TANGO6: variants seen among roughly 807,000 people sequenced by gnomAD.
TANGO6 encodes transport and golgi organization 6 homolog.
TANGO6 carries 90 observed loss-of-function variants against 114.2 expected under a neutral mutation model. The ratio of observed to expected loss-of-function variants is 0.79; its 90% CI spans 0.66 to 0.94. The LOEUF is 0.94. Among genes scored for constraint, TANGO6 ranks in the 40% least tolerant of loss-of-function variants. The probability of loss-of-function intolerance (pLI) is 0.00; values close to 1 mark genes in which losing one functional copy is unlikely to be tolerated. For missense variants in TANGO6, 1,274 were observed against 1,315.3 expected (o/e 0.97, Z 0.49); for synonymous variants, 477 against 509.8 (o/e 0.94, Z 0.87).
chr16:68,851,757 G>T (rs952464621), intron 1 of TANGO6, among the ~76,000 whole-genome samples: 6 of 152,114 alleles, frequency 3.9e-5, no homozygotes, highest in Admixed American at 6.5e-5. Flanking sequence ...CTGTCCTTGG[G>T]GATGTACCAT....
intron 17 of TANGO6, among the ~76,000 whole-genome samples, chr16:69,067,952 A>T (rs547094690): frequency 6.7e-6 from 1 of 150,002 alleles, no homozygotes; most frequent in Non-Finnish European, 1.5e-5. Flanking sequence ...AAAAAAAAAA[A>T]AAAAGAAAAT....
At chr16:69,002,999 G>A (rs1440306453) in intron 15 of TANGO6, among the ~76,000 whole-genome samples, 1 of 151,702 alleles carries the variant, frequency 6.6e-6, no homozygotes, top group Non-Finnish European at 1.5e-5. Flanking sequence ...CTGAGATGGT[G>A]CCACTACACT....
In TANGO6 at chr16:69,077,011, C is replaced by T. The variant is rs561380375; in HGVS notation, c.3109-6474C>T. On this transcript the variant is annotated intron_variant, in intron 17 of 17. Coordinates refer to ENST00000261778, the MANE Select transcript of TANGO6 (RefSeq NM_024562.2). ...GACTCTGTCTCAAAACAAAACAAAA[C>T]ACACACACAAGTTGAAAAATAAGAT... is the stretch of plus-strand genomic sequence containing the variant. Among the ~76,000 whole-genome samples, 3 of 151,964 alleles carry T rather than the reference C, an allele frequency of 2.0e-5. No individual in the cohort carries two copies. In the South Asian group the frequency reaches 6.2e-4, roughly 32 times the overall value.
intron 16 of TANGO6, chr16:69,025,863 C>A: frequency 4.3e-6 from 1 of 231,776 alleles, no homozygotes; most frequent in South Asian, 7.6e-5. Flanking sequence ...AATTTTAATT[C>A]TTTCTAGTGG....
chr16:69,016,797 C>A (rs1959308206), intron 15 of TANGO6, among the ~76,000 whole-genome samples: 1 of 151,938 alleles, frequency 6.6e-6, no homozygotes, highest in Admixed American at 6.6e-5. Context: ...GTAGCTGGGA[C>A]CACAGGCAGG....
rs1314622911 is a variant in TANGO6, at chr16:69,039,526, C to A, written c.2995-782C>A. ...TGGCGCACACCTGTAGTCCTAGCTA[C>A]TTGGGAGGCTGAGGTGGGAGGGTCA... is the stretch of plus-strand genomic sequence containing the variant. On this transcript the variant is annotated intron_variant, in intron 16 of 17. Coordinates refer to ENST00000261778, the MANE Select transcript of TANGO6 (RefSeq NM_024562.2). Among the ~76,000 whole-genome samples, 5 of 151,452 alleles carry A rather than the reference C, an allele frequency of 3.3e-5. 1 individual carries two copies. In the Middle Eastern group the frequency reaches 0.01, roughly 316 times the overall value.
chr16:69,066,890 A>G (rs992690503), intron 17 of TANGO6, among the ~76,000 whole-genome samples: 1 of 152,032 alleles, frequency 6.6e-6, no homozygotes, highest in African/African-American at 2.4e-5. Flanking sequence ...CCGTCTCTAC[A>G]AAAAATTTGT....
chr16:69,063,805 CTTCTTA>C (rs1460313284), intron 17 of TANGO6, among the ~76,000 whole-genome samples: 81 of 118,524 alleles, frequency 6.8e-4, no homozygotes, highest in South Asian at 1.7e-3. Context: ...TCTTCTTCTT[CTTCTTA>C]TTATTATTAT....
Position 68,919,153 on chromosome 16 carries a change from C to T in TANGO6, c.2061C>T (p.Thr687=), listed in dbSNP as rs375170838. ...GCCTGGCCCATCAGGCAGAGAGCAC[C>T]GTGGAATCACAGACGCTGAGCATGT... is the stretch of plus-strand genomic sequence containing the variant. ...CASLAHQAES[T]VESQTLSMSM... The change falls in exon 12 of 18, where the codon ACC becomes ACT. Residue 687 remains threonine (T), a synonymous_variant. Transcript: ENST00000261778. 1.2e-4 allele frequency: 192 copies of T among 1,612,642 alleles called. No homozygotes were observed. Among genetic ancestry groups the T allele is most frequent in the Middle Eastern group, 3.3e-4 (2 of 6,062 alleles).
chr16:69,004,382 G>C (rs985817218), intron 15 of TANGO6, among the ~76,000 whole-genome samples: 37 of 150,802 alleles, frequency 2.5e-4, no homozygotes, highest in African/African-American at 9.0e-4. Context: ...TTGAGATGGA[G>C]TCTCACTCTG....
At chr16:68,858,276 C>G (rs931241537) in intron 1 of TANGO6, among the ~76,000 whole-genome samples, 1 of 152,170 alleles carries the variant, frequency 6.6e-6, no homozygotes, top group South Asian at 2.1e-4. Context: ...GTTGGCCAGG[C>G]TGGTCTCCAA....
At chr16:68,980,775 G>T (rs1963828019) in intron 15 of TANGO6, among the ~76,000 whole-genome samples, 1 of 152,086 alleles carries the variant, frequency 6.6e-6, no homozygotes, top group African/African-American at 2.4e-5. Context: ...GAGGTGGGCG[G>T]ATCACAAGAT....
intron 14 of TANGO6, among the ~76,000 whole-genome samples, chr16:68,970,315 A>G (rs2152211867): frequency 6.6e-6 from 1 of 152,338 alleles, no homozygotes; most frequent in Middle Eastern, 3.4e-3. Context: ...CCAGGATAGT[A>G]TGTTCACAGA....
chr16:69,080,005 G>GT (rs1204662928), intron 17 of TANGO6, among the ~76,000 whole-genome samples: 3 of 152,198 alleles, frequency 2.0e-5, no homozygotes, highest in Non-Finnish European at 2.9e-5. Context: ...AGAATCACTT[G>GT]AGGCCAGGAG....
chr16:68,888,083 A>C (rs968273786), intron 7 of TANGO6, among the ~76,000 whole-genome samples: 1 of 152,164 alleles, frequency 6.6e-6, no homozygotes, highest in Non-Finnish European at 1.5e-5. Context: ...GTGCTAGGTG[A>C]ATTGAATTGA....
intron 4 of TANGO6, among the ~76,000 whole-genome samples, chr16:68,869,243 G>A (rs1962228234): frequency 6.6e-6 from 1 of 152,188 alleles, no homozygotes. Context: ...CAACACTTTG[G>A]GAGGCCAAGG....
chr16:69,074,190 C>T (rs1219413549), intron 17 of TANGO6, among the ~76,000 whole-genome samples: 2 of 151,838 alleles, frequency 1.3e-5, no homozygotes, highest in Non-Finnish European at 2.9e-5. Flanking sequence ...TATGTGGGTC[C>T]CAGTGCAGAT....
chr16:68,856,795 T>C (rs1962001547), intron 1 of TANGO6, among the ~76,000 whole-genome samples: 1 of 152,186 alleles, frequency 6.6e-6, no homozygotes, highest in African/African-American at 2.4e-5. Flanking sequence ...TCATACAGTA[T>C]AGTTTCACCT....
At chr16:68,964,254 C>T (rs1941666095) in intron 14 of TANGO6, among the ~76,000 whole-genome samples, 1 of 151,486 alleles carries the variant, frequency 6.6e-6, no homozygotes, top group Non-Finnish European at 1.5e-5. Flanking sequence ...CACCATGTAC[C>T]CTATGAATAT....
Sources: gnomAD v4.1 joint callset for allele counts (sites outside exome capture counted in the v4.1 genomes callset) on GRCh38, gnomAD v4.1.1 for gene constraint, MANE v1.5 for transcripts, NCBI Gene and HGNC (gene_info 2026-07-23, HGNC 2026-07-21) for gene names.